Variants in ABCB1 observed in about 807,000 individuals in gnomAD.
ABCB1 encodes ATP-dependent translocase ABCB1.
In ABCB1, 69 loss-of-function variants were observed where a neutral mutation model predicts 142.0. The observed-to-expected ratio is 0.49, with a 90% confidence interval of 0.40 to 0.59. ABCB1 has a LOEUF of 0.59. Ranked by LOEUF, ABCB1 falls within the 20% of genes least tolerant of loss-of-function variation. ABCB1 has a pLI of 0.00. For missense variants in ABCB1, 1,326 were observed against 1,554.7 expected (o/e 0.85, Z 2.47); for synonymous variants, 532 against 539.2 (o/e 0.99, Z 0.18).
intron 1 of ABCB1, among the ~76,000 whole-genome samples, chr7:87,612,309 T>A (rs1448984937): frequency 6.6e-6 from 1 of 152,188 alleles, no homozygotes; most frequent in Non-Finnish European, 1.5e-5. Flanking sequence ...AATTTGCTTT[T>A]AGGGTCTTAG....
At chr7:87,618,239 T>C (rs953116000) in intron 1 of ABCB1, among the ~76,000 whole-genome samples, 3 of 152,198 alleles carry the variant, frequency 2.0e-5, no homozygotes, top group Admixed American at 6.5e-5. Context: ...GGTATAAATA[T>C]GTATATGTTG....
At chr7:87,662,839 G>C (rs556871731) in intron 1 of ABCB1, among the ~76,000 whole-genome samples, 1 of 152,192 alleles carries the variant, frequency 6.6e-6, no homozygotes, top group African/African-American at 2.4e-5. Flanking sequence ...ATACTGCTTT[G>C]AGTAGTATGG....
rs1935202198 is a variant in ABCB1 at position 87,584,667 on chromosome 7, A to C, written c.286+845T>G. ...TCTGTTTTCTCTGTCTCTATCAGCC[A>C]ATTCTCCTGCTTCCTACTTCACTGA... On this transcript the variant is annotated intron_variant, in intron 4 of 27. Transcript: ENST00000622132. 7.9e-5 allele frequency among the ~76,000 whole-genome samples: 12 copies of C among 152,264 alleles called. No homozygotes were observed. The South Asian group carries it at 2.5e-3, about 32-fold the overall frequency.
intron 1 of ABCB1, among the ~76,000 whole-genome samples, chr7:87,621,229 G>A (rs1391481224): frequency 6.6e-6 from 1 of 151,952 alleles, no homozygotes; most frequent in Non-Finnish European, 1.5e-5. Flanking sequence ...AATAATTAGG[G>A]AACACTAACC....
At position 87,703,328 on chromosome 7, in the gene ABCB1, C is replaced by T. The variant is rs530180063; in HGVS notation, c.-331+9833G>A. Among the ~76,000 whole-genome samples, 16 of 151,750 alleles carry T rather than the reference C, an allele frequency of 1.1e-4. No homozygotes were observed. In the East Asian group the frequency reaches 1.2e-3, roughly 11 times the overall value. Reference sequence around the variant, plus strand: ...GTTCAAATTAAATATTTTGTAAGCACGAACTGAGTATATGTTTTAAAAACC... The same window carrying T: ...GTTCAAATTAAATATTTTGTAAGCATGAACTGAGTATATGTTTTAAAAACC... On this transcript the variant is annotated intron_variant, in intron 1 of 28. Coordinates refer to the ABCB1 transcript ENST00000265724.
In ABCB1 at chr7:87,626,479, A is replaced by G. The variant is rs532312011; in HGVS notation, c.-330-25401T>C. On this transcript the variant is annotated intron_variant, in intron 1 of 28. Transcript: ENST00000265724. ...TATGTGTCATATATGTGTCATATAT[A>G]TGTGTCATATATATGTGTCATATAT... is the stretch of plus-strand genomic sequence containing the variant. Among the ~76,000 whole-genome samples the G allele has an allele frequency of 2.9e-4, 4 of 13,898 alleles. 2 individuals are homozygous for G. The highest frequency in any genetic ancestry group is 3.9e-4 in the Non-Finnish European group (4 of 10,240). 9.1% of individuals were successfully genotyped at this position (13,898 alleles called of 152,430 possible). A position where few individuals can be genotyped will look rare whatever the true frequency, so the allele number is the denominator to read the frequency against.
chr7:87,625,032 G>A (rs932594101), intron 1 of ABCB1, among the ~76,000 whole-genome samples: 6 of 152,190 alleles, frequency 3.9e-5, no homozygotes, highest in African/African-American at 1.4e-4. Flanking sequence ...CGAGAAGGGC[G>A]GATCACGAGG....
At chr7:87,512,175 T>C (rs1194892467) in intron 25 of ABCB1, among the ~76,000 whole-genome samples, 1 of 142,046 alleles carries the variant, frequency 7.0e-6, no homozygotes, top group African/African-American at 2.6e-5. Flanking sequence ...TATCTAATTT[T>C]GCATTAAAAA....
intron 8 of ABCB1, among the ~76,000 whole-genome samples, chr7:87,558,547 G>A (rs1817410899): frequency 6.6e-6 from 1 of 150,718 alleles, no homozygotes. Flanking sequence ...ACTCTTATTT[G>A]TTTTATTGGT....
intron 1 of ABCB1, among the ~76,000 whole-genome samples, chr7:87,608,367 A>AT (rs1039448131): frequency 5.9e-4 from 90 of 152,328 alleles, no homozygotes; most frequent in African/African-American, 2.1e-3. Flanking sequence ...CTAGTAAGTG[A>AT]TTTGCTTGAA....
intron 2 of ABCB1, among the ~76,000 whole-genome samples, chr7:87,599,790 G>T (rs1819369496): frequency 6.6e-6 from 1 of 152,086 alleles, no homozygotes. Flanking sequence ...TATACCTAAG[G>T]TGATGTATCC....
chr7:87,631,463 T>G (rs1821213554), intron 1 of ABCB1, among the ~76,000 whole-genome samples: 1 of 152,194 alleles, frequency 6.6e-6, no homozygotes, highest in African/African-American at 2.4e-5. Flanking sequence ...CGATCTCGGC[T>G]CACTGCAAGC....
intron 1 of ABCB1, chr7:87,629,211 G>C (rs1294460186): frequency 8.4e-6 from 3 of 359,100 alleles, no homozygotes; most frequent in Non-Finnish European, 1.5e-5. Flanking sequence ...GATTTGTTTT[G>C]AATGTGCAAT....
chr7:87,637,605 G>A (rs1028974654), intron 1 of ABCB1, among the ~76,000 whole-genome samples: 1 of 151,874 alleles, frequency 6.6e-6, no homozygotes, highest in Non-Finnish European at 1.5e-5. Flanking sequence ...CAATAATGTA[G>A]TTTTGCATAT....
Position 87,549,427 on chromosome 7 carries a change from G to A in ABCB1, c.1646C>T (p.Pro549Leu). The change falls in exon 14 of 28, where the codon CCC becomes CTC. Residue 549 changes from proline to leucine, a missense_variant. By Grantham distance (98) the Pro-to-Leu change is moderately conservative (BLOSUM62 -3). Coordinates refer to ENST00000622132, the MANE Select transcript of ABCB1 (RefSeq NM_001348946.2). ...GGCCTCATCCAGCAGGAGGATCTTGGGGTTGCGAACCAGGGCACGTGCAAT... is the reference window on the plus strand; with the variant it reads ...GGCCTCATCCAGCAGGAGGATCTTGAGGTTGCGAACCAGGGCACGTGCAAT... ...IAIARALVRN[P>L]KILLLDEATS... The A allele has an allele frequency of 6.2e-7, 1 of 1,614,148 alleles. No homozygotes were observed. Among genetic ancestry groups the A allele is most frequent in the Non-Finnish European group, 8.5e-7 (1 of 1,180,042 alleles).
intron 3 of ABCB1, among the ~76,000 whole-genome samples, chr7:87,588,278 C>T (rs958135143): frequency 6.6e-6 from 1 of 151,840 alleles, no homozygotes; most frequent in Non-Finnish European, 1.5e-5. Flanking sequence ...ATTTCATCAC[C>T]CAGCTATTAA....
intron 3 of ABCB1, among the ~76,000 whole-genome samples, chr7:87,594,443 A>T (rs1422047524): frequency 6.6e-6 from 1 of 152,206 alleles, no homozygotes; most frequent in Non-Finnish European, 1.5e-5. Context: ...AATTATTGAT[A>T]ACATTGCCTC....
intron 1 of ABCB1, among the ~76,000 whole-genome samples, chr7:87,638,491 A>G (rs999356767): frequency 4.6e-5 from 7 of 152,082 alleles, no homozygotes; most frequent in African/African-American, 1.4e-4. Context: ...TTTGTGGGAA[A>G]TCATTTAGTA....
At chr7:87,616,435 T>G (rs1259130421) in intron 1 of ABCB1, among the ~76,000 whole-genome samples, 2 of 152,248 alleles carry the variant, frequency 1.3e-5, no homozygotes, top group African/African-American at 2.4e-5. Flanking sequence ...TTCTTGGTTT[T>G]GTTTTGTTTT....
Sources: gnomAD v4.1 joint callset for allele counts (sites outside exome capture counted in the v4.1 genomes callset) on GRCh38, gnomAD v4.1.1 for gene constraint, MANE v1.5 for transcripts, NCBI Gene and HGNC (gene_info 2026-07-23, HGNC 2026-07-21) for gene names.